The following POU6F2 variants were observed in gnomAD, a reference collection of about 807,000 sequenced individuals.
The protein encoded by POU6F2 is POU class 6 homeobox 2, also known as POU domain, class 6, transcription factor 2.
A neutral mutation model predicts 71.3 loss-of-function variants in POU6F2; 31 were observed. The observed-to-expected ratio is 0.43, with a 90% CI of 0.33 to 0.59. POU6F2 has a LOEUF of 0.59. POU6F2 is among the 20% of genes least tolerant of loss of function. POU6F2 has a pLI of 0.04. For missense variants in POU6F2, 783 were observed against 856.8 expected (o/e 0.91, Z 1.07); for synonymous variants, 347 against 355.7 (o/e 0.98, Z 0.27).
chr7:39,372,822 G>A (rs1786640836), intron 5 of POU6F2, among the ~76,000 whole-genome samples: 1 of 151,970 alleles, frequency 6.6e-6, no homozygotes, highest in Non-Finnish European at 1.5e-5. Context: ...TTAGCTTATG[G>A]GCCATACCAA....
intron 5 of POU6F2, 35 bp from the exon 6 acceptor site, chr7:39,406,565 G>A (rs939709924): frequency 8.7e-6 from 14 of 1,606,212 alleles, no homozygotes; most frequent in African/African-American, 4.0e-5. Context: ...TGTGCCTCTC[G>A]GTGGTTTTCA....
Position 39,084,781 on chromosome 7 carries a change from C to T in POU6F2, c.106-1079C>T, listed in dbSNP as rs1288227460. 3.9e-5 allele frequency among the ~76,000 whole-genome samples: 6 copies of T among 152,262 alleles called. No individual in the cohort carries two copies. The East Asian group carries it at 1.2e-3, about 29-fold the overall frequency. ...TGGGACCCGGGAGCATGCCGCCCCACCTGCTTCTGTGCTGGTCACCTGTTT... is the reference window on the plus strand; with the variant it reads ...TGGGACCCGGGAGCATGCCGCCCCATCTGCTTCTGTGCTGGTCACCTGTTT... On this transcript the variant is annotated intron_variant, in intron 1 of 9. Transcript: ENST00000518318.
At chr7:39,417,125 A>C (rs912150227) in intron 6 of POU6F2, among the ~76,000 whole-genome samples, 1 of 152,206 alleles carries the variant, frequency 6.6e-6, no homozygotes, top group Non-Finnish European at 1.5e-5. Flanking sequence ...TCTGCAAACT[A>C]TGTTTATAGT....
At chr7:39,424,635 G>C (rs1787926973) in intron 6 of POU6F2, among the ~76,000 whole-genome samples, 1 of 151,994 alleles carries the variant, frequency 6.6e-6, no homozygotes, top group Admixed American at 6.6e-5. Flanking sequence ...ATATAATCTT[G>C]TGTAAATTTA....
At chr7:39,450,934 G>A (rs545857116) in intron 7 of POU6F2, among the ~76,000 whole-genome samples, 62 of 152,208 alleles carry the variant, frequency 4.1e-4, no homozygotes, top group African/African-American at 1.3e-3. Flanking sequence ...GAAATCCTAC[G>A]GGATATTTTT....
intron 6 of POU6F2, among the ~76,000 whole-genome samples, chr7:39,416,814 T>TAAAAAAAAAAAAAA (rs531942673): frequency 7.0e-6 from 1 of 142,442 alleles, no homozygotes; most frequent in African/African-American, 2.6e-5. Context: ...GTTAAAAATG[T>TAAAAAAAAAAAAAA]AAAAAAAAAA....
chr7:39,034,621 G>A, intron 1 of POU6F2: 1 of 241,178 alleles, frequency 4.1e-6, no homozygotes, highest in South Asian at 4.3e-5. Flanking sequence ...TGAGTTTCAG[G>A]CAATCAATGC....
At chr7:39,275,632 T>C (rs1011390095) in intron 4 of POU6F2, among the ~76,000 whole-genome samples, 181 of 152,260 alleles carry the variant, frequency 1.2e-3, no homozygotes, top group Non-Finnish European at 2.0e-3. Flanking sequence ...GGAGGCATCG[T>C]GCTACCTGAC....
intron 7 of POU6F2, among the ~76,000 whole-genome samples, chr7:39,443,302 A>G (rs1788450018): frequency 6.6e-6 from 1 of 152,146 alleles, no homozygotes. Context: ...CAGCATCCCA[A>G]AGAGCGGGCT....
chr7:39,182,285 G>A (rs1184641124), intron 2 of POU6F2, among the ~76,000 whole-genome samples: 1 of 152,032 alleles, frequency 6.6e-6, no homozygotes, highest in Non-Finnish European at 1.5e-5. Flanking sequence ...AATGCTGGTT[G>A]CCACTCACAA....
At chr7:39,173,528 A>G (rs1479370367) in intron 2 of POU6F2, among the ~76,000 whole-genome samples, 1 of 152,138 alleles carries the variant, frequency 6.6e-6, no homozygotes, top group African/African-American at 2.4e-5. Flanking sequence ...TCCTACTCTA[A>G]CTTAACCAAT....
intron 1 of POU6F2, among the ~76,000 whole-genome samples, chr7:39,026,421 T>C (rs1374424310): frequency 1.3e-5 from 2 of 152,010 alleles, no homozygotes; most frequent in East Asian, 3.9e-4. Flanking sequence ...TATGCAGCCA[T>C]AAAAAATGAT....
At chr7:39,359,168 G>C (rs1786324999) in intron 5 of POU6F2, among the ~76,000 whole-genome samples, 1 of 152,066 alleles carries the variant, frequency 6.6e-6, no homozygotes, top group African/African-American at 2.4e-5. Context: ...TCTGGGTTTA[G>C]TATGAGAGCA....
At chr7:39,010,509 G>A (rs1210520488) in intron 1 of POU6F2, among the ~76,000 whole-genome samples, 1 of 150,822 alleles carries the variant, frequency 6.6e-6, no homozygotes, top group Non-Finnish European at 1.5e-5. Flanking sequence ...AGGGTTTTTT[G>A]TGTCTCTATT....
chr7:39,273,684 T>A (rs1223653948), intron 4 of POU6F2, among the ~76,000 whole-genome samples: 2 of 151,898 alleles, frequency 1.3e-5, no homozygotes, highest in African/African-American at 4.8e-5. Flanking sequence ...TTGGTTTGTT[T>A]TTTTTTTTAA....
intron 4 of POU6F2, among the ~76,000 whole-genome samples, chr7:39,256,436 C>A (rs764313696): frequency 1.3e-5 from 2 of 152,076 alleles, no homozygotes; most frequent in Non-Finnish European, 2.9e-5. Context: ...CTGGGAAGAT[C>A]AGAGTGGAAT....
chr7:39,189,870 T>C (rs547446722), intron 2 of POU6F2, among the ~76,000 whole-genome samples: 1 of 152,168 alleles, frequency 6.6e-6, no homozygotes, highest in Admixed American at 6.5e-5. Context: ...AATCATTCCT[T>C]CTACCCCCTT....
chr7:39,200,800 A>G (rs1211699946), intron 2 of POU6F2, among the ~76,000 whole-genome samples: 1 of 152,034 alleles, frequency 6.6e-6, no homozygotes, highest in Non-Finnish European at 1.5e-5. Flanking sequence ...ACTTGAGGCC[A>G]GGAGTTCAAG....
chr7:39,083,552 A>G (rs2128720408), intron 1 of POU6F2: 1 of 146,604 alleles, frequency 6.8e-6, no homozygotes, highest in East Asian at 2.1e-4. Context: ...TTTCTTAGAT[A>G]TTTAGGAAAG....
Sources: gnomAD v4.1 joint callset for allele counts (sites outside exome capture counted in the v4.1 genomes callset) on GRCh38, gnomAD v4.1.1 for gene constraint, MANE v1.5 for transcripts, NCBI Gene and HGNC (gene_info 2026-07-23, HGNC 2026-07-21) for gene names.